Variants in CNTNAP2 observed in about 807,000 individuals in gnomAD.
The protein encoded by CNTNAP2 is contactin-associated protein-like 2.
A neutral mutation model predicts 155.2 loss-of-function variants in CNTNAP2; 98 were observed. The ratio of observed to expected loss-of-function variants is 0.63; its 90% CI spans 0.54 to 0.75. CNTNAP2 has a LOEUF of 0.75. Among genes scored for constraint, CNTNAP2 ranks in the 30% least tolerant of loss-of-function variants. CNTNAP2 has a pLI of 0.00. For missense variants in CNTNAP2, 1,727 were observed against 1,688.1 expected, an observed-to-expected ratio of 1.02 and a Z score of -0.40; for synonymous variants, 651 against 631.2, an observed-to-expected ratio of 1.03 and a Z score of -0.47.
At chr7:146,903,773 C>G (rs1796054645) in intron 3 of CNTNAP2, among the ~76,000 whole-genome samples, 1 of 152,130 alleles carries the variant, frequency 6.6e-6, no homozygotes, top group Non-Finnish European at 1.5e-5. Context: ...TTCAGCTAGA[C>G]TGGGGGAATA....
chr7:146,221,482 A>C (rs906991575), intron 1 of CNTNAP2, among the ~76,000 whole-genome samples: 1 of 152,164 alleles, frequency 6.6e-6, no homozygotes, highest in African/African-American at 2.4e-5. Flanking sequence ...TCCTTGTCTT[A>C]AACCAATCTG....
chr7:146,587,650 AT>A (rs1314994421), intron 1 of CNTNAP2, among the ~76,000 whole-genome samples: 1 of 152,010 alleles, frequency 6.6e-6, no homozygotes, highest in African/African-American at 2.4e-5. Flanking sequence ...TGTTTGATTA[AT>A]ATACATCTGG....
chr7:147,043,507 T>G lies in CNTNAP2; in HGVS notation c.403-400T>G, dbSNP rs926548728. On this transcript the variant is annotated intron_variant, in intron 3 of 23. Transcript: ENST00000361727. ...TAATGTTGAAATGTTATCTTTAAATTTCTAATGGTTTTATGGGAGAAAATG... is the reference window on the plus strand; with the variant it reads ...TAATGTTGAAATGTTATCTTTAAATGTCTAATGGTTTTATGGGAGAAAATG... Among the ~76,000 whole-genome samples, 6 of 152,340 alleles carry G rather than the reference T, an allele frequency of 3.9e-5. No homozygotes were observed. The East Asian group carries it at 9.6e-4, about 24-fold the overall frequency.
At chr7:146,896,237 G>C (rs1057154559) in intron 3 of CNTNAP2, among the ~76,000 whole-genome samples, 1 of 151,924 alleles carries the variant, frequency 6.6e-6, no homozygotes, top group Admixed American at 6.6e-5. Flanking sequence ...ATTAAAACAG[G>C]CTCATTTATT....
intron 14 of CNTNAP2, among the ~76,000 whole-genome samples, chr7:147,973,917 A>G (rs1402148976): frequency 6.6e-6 from 1 of 152,166 alleles, no homozygotes; most frequent in Non-Finnish European, 1.5e-5. Flanking sequence ...AATGATTATT[A>G]TTCTCACTTA....
At chr7:147,026,586 A>G (rs1229827262) in intron 3 of CNTNAP2, among the ~76,000 whole-genome samples, 1 of 151,808 alleles carries the variant, frequency 6.6e-6, no homozygotes, top group Non-Finnish European at 1.5e-5. Context: ...CATTCTTGGA[A>G]TGTCTTTTTT....
chr7:148,084,828 G>A (rs183509154), intron 15 of CNTNAP2, among the ~76,000 whole-genome samples: 2 of 152,136 alleles, frequency 1.3e-5, no homozygotes, highest in African/African-American at 4.8e-5. Context: ...GACATTGTTT[G>A]TTTAATAAAG....
chr7:147,405,986 G>A (rs867696202), intron 10 of CNTNAP2, among the ~76,000 whole-genome samples: 3 of 152,102 alleles, frequency 2.0e-5, no homozygotes, highest in Admixed American at 1.3e-4. Flanking sequence ...CTAACAACGA[G>A]TCATTGAGGT....
At chr7:147,011,804 T>C (rs1159318596) in intron 3 of CNTNAP2, among the ~76,000 whole-genome samples, 1 of 152,202 alleles carries the variant, frequency 6.6e-6, no homozygotes, top group Non-Finnish European at 1.5e-5. Context: ...AGAAAGTCTC[T>C]GACCTTCCTC....
intron 1 of CNTNAP2, among the ~76,000 whole-genome samples, chr7:146,215,779 A>C (rs922674773): frequency 6.6e-6 from 1 of 152,170 alleles, no homozygotes; most frequent in Admixed American, 6.6e-5. Context: ...TGTTGAACTT[A>C]TTGAATTCAG....
intron 4 of CNTNAP2, among the ~76,000 whole-genome samples, chr7:147,072,143 G>A (rs1011856571): frequency 3.3e-5 from 5 of 152,110 alleles, no homozygotes; most frequent in Admixed American, 6.5e-5. Context: ...TGGAAAGTAG[G>A]TGAAGGTAGG....
At chr7:147,785,195 C>A (rs1797721822) in intron 13 of CNTNAP2, among the ~76,000 whole-genome samples, 1 of 152,050 alleles carries the variant, frequency 6.6e-6, no homozygotes, top group South Asian at 2.1e-4. Context: ...AAGTTGTCAC[C>A]TTCAGAGAGA....
At chr7:148,312,043 A>G (rs1201145262) in intron 21 of CNTNAP2, among the ~76,000 whole-genome samples, 1 of 152,142 alleles carries the variant, frequency 6.6e-6, no homozygotes, top group Admixed American at 6.6e-5. Flanking sequence ...AAGAAAATAG[A>G]TCTTGGAAGT....
intron 3 of CNTNAP2, among the ~76,000 whole-genome samples, chr7:146,925,149 C>T (rs892039794): frequency 6.6e-6 from 1 of 152,048 alleles, no homozygotes; most frequent in East Asian, 1.9e-4. Context: ...CCCATATTGA[C>T]TTCTCTTACA....
At chr7:148,002,576 T>C (rs1166720433) in intron 15 of CNTNAP2, among the ~76,000 whole-genome samples, 2 of 152,222 alleles carry the variant, frequency 1.3e-5, no homozygotes, top group African/African-American at 4.8e-5. Flanking sequence ...AAAAATACTC[T>C]AGTTAGCCTG....
chr7:147,653,121 T>C (rs1418562498), intron 13 of CNTNAP2, among the ~76,000 whole-genome samples: 1 of 152,248 alleles, frequency 6.6e-6, no homozygotes, highest in African/African-American at 2.4e-5. Flanking sequence ...ATGTTTTTAA[T>C]ATCAAGGTAT....
intron 13 of CNTNAP2, among the ~76,000 whole-genome samples, chr7:147,642,532 T>G (rs927236924): frequency 2.0e-5 from 3 of 152,000 alleles, no homozygotes; most frequent in African/African-American, 7.2e-5. Flanking sequence ...ATAACCACTC[T>G]CCTTTACAAA....
chr7:148,331,685 A>ATGGACGGATGGAG (rs1563045873), intron 21 of CNTNAP2, among the ~76,000 whole-genome samples: 33 of 147,590 alleles, frequency 2.2e-4, no homozygotes, highest in African/African-American at 3.8e-4. Flanking sequence ...GATGGATGGA[A>ATGGACGGATGGAG]TGGACGGATG....
intron 15 of CNTNAP2, among the ~76,000 whole-genome samples, chr7:147,984,967 C>A (rs1801590848): frequency 6.6e-6 from 1 of 151,880 alleles, no homozygotes; most frequent in South Asian, 2.1e-4. Context: ...ACACAAAAAT[C>A]AGCTGCGCAT....
Sources: allele counts gnomAD v4.1 joint callset (sites outside exome capture counted in the v4.1 genomes callset), GRCh38; gene constraint gnomAD v4.1.1; transcripts MANE v1.5; gene names NCBI Gene and HGNC (gene_info 2026-07-23, HGNC 2026-07-21).